KCNT2: variants seen among roughly 807,000 people sequenced by gnomAD.
KCNT2 encodes the protein potassium channel subfamily T member 2.
In KCNT2, 67 loss-of-function variants were observed where a neutral mutation model predicts 153.8. The observed-to-expected ratio is 0.44, with a 90% CI of 0.36 to 0.53. KCNT2 has a LOEUF of 0.53. KCNT2 is among the 20% of genes least tolerant of loss of function. The pLI, the probability that KCNT2 is intolerant of heterozygous loss-of-function variation, is 0.00. For synonymous variants in KCNT2, 500 were observed against 458.8 expected, an observed-to-expected ratio of 1.09 and a Z score of -1.15; for missense variants, 975 against 1,354.8, an observed-to-expected ratio of 0.72 and a Z score of 4.40.
At chr1:196,585,739 G>T (rs969249060) in intron 1 of KCNT2, among the ~76,000 whole-genome samples, 2 of 152,096 alleles carry the variant, frequency 1.3e-5, no homozygotes, top group African/African-American at 2.4e-5. Context: ...CATCCATTAG[G>T]TTTGTCAGTG....
At chr1:196,531,431 T>A (rs889840916) in intron 1 of KCNT2, among the ~76,000 whole-genome samples, 1 of 152,092 alleles carries the variant, frequency 6.6e-6, no homozygotes, top group Non-Finnish European at 1.5e-5. Flanking sequence ...TGCACCACGT[T>A]AACTGTTCTG....
intron 8 of KCNT2, among the ~76,000 whole-genome samples, chr1:196,442,328 G>A (rs1675307190): frequency 6.6e-6 from 1 of 151,754 alleles, no homozygotes; most frequent in Non-Finnish European, 1.5e-5. Context: ...CCTGAAAAAT[G>A]TGAAAAAGTT....
At chr1:196,431,300 G>T (rs887886227) in intron 8 of KCNT2, among the ~76,000 whole-genome samples, 5 of 152,096 alleles carry the variant, frequency 3.3e-5, no homozygotes, top group African/African-American at 1.2e-4. Flanking sequence ...ACCTAAAAAT[G>T]TGGAAGCAGC....
chr1:196,460,149 G>C (rs1019407241), intron 8 of KCNT2, among the ~76,000 whole-genome samples: 1 of 151,650 alleles, frequency 6.6e-6, no homozygotes, highest in Non-Finnish European at 1.5e-5. Context: ...CCAAAATTTG[G>C]TTTATCATTT....
rs143822027 is a variant in KCNT2, at chr1:196,359,202, G to A, written c.1403+13938C>T. ...ATTAATATTTGCCCTCTTTTTCTAG[G>A]CACCTTGTACCCTCAAAGTTTCATC... is the stretch of plus-strand genomic sequence containing the variant. On this transcript the variant is annotated intron_variant, in intron 14 of 27. Transcript: ENST00000294725. Among the ~76,000 whole-genome samples the A allele has an allele frequency of 4.0e-3, 603 of 151,928 alleles. 2 individuals carry two copies. Among genetic ancestry groups the A allele is most frequent in the African/African-American group, 0.014 (582 of 41,468 alleles).
chr1:196,607,899 G>A (rs2149046037), intron 1 of KCNT2, among the ~76,000 whole-genome samples: 1 of 152,232 alleles, frequency 6.6e-6, no homozygotes, highest in African/African-American at 2.4e-5. Flanking sequence ...CCATTTGGGT[G>A]TATTGTACCT....
chr1:196,367,139 A>G (rs1169240386), intron 14 of KCNT2, among the ~76,000 whole-genome samples: 2 of 152,138 alleles, frequency 1.3e-5, no homozygotes, highest in Non-Finnish European at 2.9e-5. Context: ...CTTTACTGAG[A>G]TAAATTTCTT....
At chr1:196,576,679 C>T (rs1239222750) in intron 1 of KCNT2, among the ~76,000 whole-genome samples, 1 of 151,914 alleles carries the variant, frequency 6.6e-6, no homozygotes, top group African/African-American at 2.4e-5. Flanking sequence ...TCTGTACAAA[C>T]TTATTCTTTT....
intron 21 of KCNT2, among the ~76,000 whole-genome samples, chr1:196,315,203 C>A (rs1042140408): frequency 1.3e-5 from 2 of 151,596 alleles, no homozygotes; most frequent in Non-Finnish European, 3.0e-5. Flanking sequence ...AAAACTCATA[C>A]AACTTAAAAA....
intron 25 of KCNT2, among the ~76,000 whole-genome samples, chr1:196,267,980 G>A (rs1383929863): frequency 6.6e-5 from 10 of 152,156 alleles, no homozygotes; most frequent in African/African-American, 1.7e-4. Context: ...ACAGTGCATG[G>A]ATGGTGGTAT....
At chr1:196,512,829 G>T (rs778325798) in intron 1 of KCNT2, among the ~76,000 whole-genome samples, 3 of 152,066 alleles carry the variant, frequency 2.0e-5, no homozygotes, top group Non-Finnish European at 4.4e-5. Flanking sequence ...TAGCAACAAA[G>T]TATTTCACAT....
At chr1:196,411,055 T>G (rs1366947002) in intron 12 of KCNT2, among the ~76,000 whole-genome samples, 7 of 48,926 alleles carry the variant, frequency 1.4e-4, no homozygotes, top group South Asian at 9.5e-4. Context: ...CCCTCCTCTA[T>G]TCCCTCCTTC....
intron 1 of KCNT2, among the ~76,000 whole-genome samples, chr1:196,594,281 T>A (rs1292312370): frequency 6.6e-6 from 1 of 152,146 alleles, no homozygotes; most frequent in Non-Finnish European, 1.5e-5. Flanking sequence ...GAATATTAAA[T>A]TAGATGTAGA....
intron 1 of KCNT2, among the ~76,000 whole-genome samples, chr1:196,511,461 C>CA (rs1472109394): frequency 6.6e-6 from 1 of 152,142 alleles, no homozygotes; most frequent in Non-Finnish European, 1.5e-5. Flanking sequence ...ATAGATGTTA[C>CA]AGGCACTTAG....
At chr1:196,391,437 T>C (rs1670484539) in intron 13 of KCNT2, among the ~76,000 whole-genome samples, 1 of 151,450 alleles carries the variant, frequency 6.6e-6, no homozygotes, top group African/African-American at 2.4e-5. Flanking sequence ...TAGGATATGA[T>C]AGAATATGTC....
chr1:196,287,714 C>T (rs1659795975), intron 22 of KCNT2, among the ~76,000 whole-genome samples: 1 of 151,932 alleles, frequency 6.6e-6, no homozygotes, highest in Non-Finnish European at 1.5e-5. Flanking sequence ...AATAAATATG[C>T]GTTGAGAACG....
chr1:196,308,479 TTTTGCCTACACCAAAG>T (rs1367299115), intron 21 of KCNT2, among the ~76,000 whole-genome samples: 3 of 152,012 alleles, frequency 2.0e-5, no homozygotes, highest in African/African-American at 7.2e-5. Flanking sequence ...AAAAGCCCAC[TTTTGCCTACACCAAAG>T]TCACATCTTC....
At chr1:196,385,741 A>C (rs1669913304) in intron 13 of KCNT2, among the ~76,000 whole-genome samples, 1 of 149,244 alleles carries the variant, frequency 6.7e-6, no homozygotes, top group African/African-American at 2.4e-5. Flanking sequence ...TGTCTCAACC[A>C]GTTAGTATGG....
At chr1:196,229,147 C>G (rs978507009) in intron 27 of KCNT2, among the ~76,000 whole-genome samples, 8 of 151,948 alleles carry the variant, frequency 5.3e-5, no homozygotes, top group African/African-American at 1.7e-4. Flanking sequence ...TTGCACTTTG[C>G]CAATATTGAA....
Sources: allele counts gnomAD v4.1 joint callset (sites outside exome capture counted in the v4.1 genomes callset), GRCh38; gene constraint gnomAD v4.1.1; transcripts MANE v1.5; gene names NCBI Gene and HGNC (gene_info 2026-07-23, HGNC 2026-07-21).